The following ZNF704 variants were observed in gnomAD, a reference collection of about 807,000 sequenced individuals.
ZNF704 encodes the protein glucocorticoid induced gene 1.
In ZNF704, 10 loss-of-function variants were observed where a neutral mutation model predicts 44.7. The ratio of observed to expected loss-of-function variants is 0.22; its 90% CI spans 0.14 to 0.38. The LOEUF (loss-of-function observed/expected upper bound fraction) is 0.38. Among genes scored for constraint, ZNF704 ranks in the 10% least tolerant of loss-of-function variants. ZNF704 has a pLI of 1.00. For missense variants in ZNF704, 390 were observed against 545.5 expected, an observed-to-expected ratio of 0.71 and a Z score of 2.84; for synonymous variants, 211 against 207.6, an observed-to-expected ratio of 1.02 and a Z score of -0.14.
intron 1 of ZNF704, among the ~76,000 whole-genome samples, chr8:80,867,145 C>G (rs1809169284): frequency 6.6e-6 from 1 of 152,102 alleles, no homozygotes; most frequent in Non-Finnish European, 1.5e-5. Context: ...AAATGGGGCT[C>G]TTTTCTCATC....
intron 2 of ZNF704, among the ~76,000 whole-genome samples, chr8:80,723,649 T>C (rs1341643088): frequency 2.0e-5 from 3 of 152,256 alleles, no homozygotes; most frequent in African/African-American, 7.2e-5. Flanking sequence ...AGTAATACTA[T>C]ATTTTTTTAG....
intron 2 of ZNF704, among the ~76,000 whole-genome samples, chr8:80,758,623 T>C (rs1013941303): frequency 4.6e-5 from 7 of 152,204 alleles, no homozygotes; most frequent in Non-Finnish European, 8.8e-5. Context: ...TATTAGGCTC[T>C]TACTAGATGA....
chr8:80,761,037 G>A (rs1007360204), intron 2 of ZNF704, among the ~76,000 whole-genome samples: 1 of 152,030 alleles, frequency 6.6e-6, no homozygotes, highest in Non-Finnish European at 1.5e-5. Flanking sequence ...TTCAACACTG[G>A]GGACTACAAT....
chr8:80,839,852 G>A (rs542341989), intron 1 of ZNF704, among the ~76,000 whole-genome samples: 1 of 152,152 alleles, frequency 6.6e-6, no homozygotes, highest in East Asian at 1.9e-4. Flanking sequence ...GAGAGAGAGA[G>A]AGAGAGTAAA....
chr8:80,696,066 T>G (rs1023847863), intron 2 of ZNF704, among the ~76,000 whole-genome samples: 1 of 152,206 alleles, frequency 6.6e-6, no homozygotes, highest in Non-Finnish European at 1.5e-5. Flanking sequence ...TAATTACTGA[T>G]TAACTGGTAC....
At chr8:80,730,677 TG>T (rs1806566614) in intron 2 of ZNF704, among the ~76,000 whole-genome samples, 1 of 151,946 alleles carries the variant, frequency 6.6e-6, no homozygotes, top group African/African-American at 2.4e-5. Context: ...TCTCCAATGG[TG>T]GGAGCATCTC....
At chr8:80,728,137 A>G (rs867997242) in intron 2 of ZNF704, among the ~76,000 whole-genome samples, 1 of 152,206 alleles carries the variant, frequency 6.6e-6, no homozygotes. Flanking sequence ...AAACTATGCT[A>G]AATGTTTTAT....
At chr8:80,799,160 A>G (rs1807857894) in intron 2 of ZNF704, among the ~76,000 whole-genome samples, 2 of 152,236 alleles carry the variant, frequency 1.3e-5, no homozygotes, top group Middle Eastern at 3.2e-3. Context: ...TTTCAACATG[A>G]ATTTTGAAAT....
chr8:80,826,936 G>C (rs1808388098), intron 1 of ZNF704, among the ~76,000 whole-genome samples: 1 of 152,100 alleles, frequency 6.6e-6, no homozygotes, highest in Non-Finnish European at 1.5e-5. Context: ...AAAATAATAA[G>C]AGCTATTTAT....
intron 1 of ZNF704, among the ~76,000 whole-genome samples, chr8:80,872,922 G>A (rs974879103): frequency 2.0e-5 from 3 of 152,076 alleles, no homozygotes; most frequent in African/African-American, 7.3e-5. Context: ...GTGGAAACAC[G>A]GGAGGGCGAG....
At chr8:80,706,824 A>G (rs1184041025) in intron 2 of ZNF704, among the ~76,000 whole-genome samples, 2 of 152,214 alleles carry the variant, frequency 1.3e-5, no homozygotes. Context: ...CTGCCTGCAG[A>G]TTTCAGCCAC....
chr8:80,671,299 T>G (rs1337364733), intron 4 of ZNF704, among the ~76,000 whole-genome samples: 2 of 152,180 alleles, frequency 1.3e-5, no homozygotes, highest in African/African-American at 4.8e-5. Flanking sequence ...AGCTAATTTT[T>G]TGTATTTTTG....
chr8:80,850,065 T>A (rs983656966), intron 1 of ZNF704, among the ~76,000 whole-genome samples: 2 of 152,332 alleles, frequency 1.3e-5, no homozygotes, highest in African/African-American at 4.8e-5. Flanking sequence ...ACAAATTTAT[T>A]ATAATGTTGC....
chr8:80,813,107 G>T (rs1185888739), intron 2 of ZNF704, among the ~76,000 whole-genome samples: 2 of 152,176 alleles, frequency 1.3e-5, no homozygotes, highest in Non-Finnish European at 2.9e-5. Flanking sequence ...TATCCAATCT[G>T]TGCAACAAAG....
intron 2 of ZNF704, among the ~76,000 whole-genome samples, chr8:80,796,668 T>C (rs1350158957): frequency 6.6e-6 from 1 of 152,094 alleles, no homozygotes; most frequent in African/African-American, 2.4e-5. Context: ...CAAGATACAA[T>C]GGCAGGACAG....
At chr8:80,877,221 C>T (rs1433410620), upstream of ZNF704, among the ~76,000 whole-genome samples, 1 of 144,842 alleles carries the variant, frequency 6.9e-6, no homozygotes, top group African/African-American at 2.6e-5. Context: ...AAAGACCTGG[C>T]CTTGGCTTTC....
At chr8:80,768,280 T>C (rs539715902) in intron 2 of ZNF704, among the ~76,000 whole-genome samples, 57 of 152,146 alleles carry the variant, frequency 3.7e-4, no homozygotes, top group Non-Finnish European at 6.3e-4. Context: ...TCAGACTCCT[T>C]AAAAAATAAA....
At chr8:80,662,392 C>A (rs1008598239) in intron 6 of ZNF704, among the ~76,000 whole-genome samples, 1 of 152,082 alleles carries the variant, frequency 6.6e-6, no homozygotes, top group African/African-American at 2.4e-5. Context: ...TGTAGATCAA[C>A]TAGTGTGTGT....
At chr8:80,678,899 A>T (rs899594496) in intron 4 of ZNF704, among the ~76,000 whole-genome samples, 1 of 152,138 alleles carries the variant, frequency 6.6e-6, no homozygotes, top group African/African-American at 2.4e-5. Flanking sequence ...ACCGGCAGGC[A>T]GCTGGGAGGC....
Sources: allele counts gnomAD v4.1 joint callset (sites outside exome capture counted in the v4.1 genomes callset), GRCh38; gene constraint gnomAD v4.1.1; transcripts MANE v1.5; gene names NCBI Gene and HGNC (gene_info 2026-07-23, HGNC 2026-07-21).